Variants in ZFAT observed in about 807,000 individuals in gnomAD.
The protein encoded by ZFAT is zinc finger and AT-hook domain containing, also known as zinc finger protein ZFAT.
A neutral mutation model predicts 117.7 loss-of-function variants in ZFAT; 64 were observed. The observed-to-expected ratio is 0.54, with a 90% confidence interval of 0.44 to 0.67. The LOEUF is 0.67. Ranked by LOEUF, ZFAT falls within the 30% of genes least tolerant of loss-of-function variation. The probability of loss-of-function intolerance (pLI) is 0.00; values close to 1 mark genes in which losing one functional copy is unlikely to be tolerated. For missense variants in ZFAT, 1,433 were observed against 1,584.5 expected (o/e 0.90, Z 1.62); for synonymous variants, 679 against 615.0 (o/e 1.10, Z -1.54).
rs1190729486 is a variant in ZFAT at position 134,485,205 on chromosome 8, TG to T, written c.3493-6485del. On this transcript the variant is annotated intron_variant, in intron 15 of 15. Transcript: ENST00000377838. Reference sequence around the variant, plus strand: ...GGGGCTCTGCCCACCCACTGGGTCCTGGGGAGTTATGTAGTTGCTTTCCCCC... The same window carrying T: ...GGGGCTCTGCCCACCCACTGGGTCCTGGGAGTTATGTAGTTGCTTTCCCCC... Among the ~76,000 whole-genome samples the T allele has an allele frequency of 1.3e-4, 20 of 152,278 alleles. No individual in the cohort carries two copies. The East Asian group carries it at 3.1e-3, about 24-fold the overall frequency.
Position 134,509,692 on chromosome 8 carries a change from G to A in ZFAT, c.3419C>T (p.Ala1140Val), listed in dbSNP as rs758773427. ...NILQQIIELG[A>V]ETHDATALAS... ...AAGGGCAGTGGCGTCATGGGTCTCG[G>A]CGCCCAGCTCAATGATCTGCTGCAG... The change falls in exon 15 of 16, where the codon GCC becomes GTC. Residue 1140 changes from alanine (A) to valine (V), a missense_variant. Coordinates refer to ENST00000377838, the MANE Select transcript of ZFAT (RefSeq NM_020863.4). The A allele has an allele frequency of 4.3e-6, 7 of 1,612,456 alleles. No homozygotes were observed. Among genetic ancestry groups the A allele is most frequent in the Non-Finnish European group, 5.9e-6 (7 of 1,179,532 alleles).
At chr8:134,574,933 G>C (rs933988711) in intron 10 of ZFAT, among the ~76,000 whole-genome samples, 3 of 151,628 alleles carry the variant, frequency 2.0e-5, no homozygotes, top group African/African-American at 7.3e-5. Context: ...TTCCAACAGT[G>C]ATACTCTTTA....
intron 15 of ZFAT, among the ~76,000 whole-genome samples, chr8:134,489,915 T>A (rs1034915005): frequency 3.9e-5 from 6 of 152,096 alleles, no homozygotes; most frequent in Non-Finnish European, 1.5e-5. Context: ...GGCACCACCA[T>A]CCACCCTCTT....
chr8:134,787,526 T>C, the ZFAT span, among the ~76,000 whole-genome samples: 1 of 152,242 alleles, frequency 6.6e-6, no homozygotes, highest in Non-Finnish European at 1.5e-5. Context: ...TGCTCTAGTC[T>C]GTTACTTTGG....
At chr8:134,600,858 G>C (rs527304486) in intron 6 of ZFAT, among the ~76,000 whole-genome samples, 190 bp from the exon 7 acceptor site, 1 of 152,066 alleles carries the variant, frequency 6.6e-6, no homozygotes, top group Non-Finnish European at 1.5e-5. Flanking sequence ...AAATATTAAG[G>C]GTGCTACTAT....
chr8:134,823,294 T>TA, the ZFAT span, among the ~76,000 whole-genome samples: 1 of 152,094 alleles, frequency 6.6e-6, no homozygotes, highest in Admixed American at 6.6e-5. Flanking sequence ...ATCTTAAGTT[T>TA]AAAAAAAATT....
chr8:134,730,353 C>T, the ZFAT span, among the ~76,000 whole-genome samples: 4 of 152,220 alleles, frequency 2.6e-5, no homozygotes, highest in East Asian at 1.9e-4. Flanking sequence ...TAAAGGTGCA[C>T]GTGGCACAGT....
intron 11 of ZFAT, chr8:134,564,998 C>G: frequency 1.6e-6 from 2 of 1,275,162 alleles, no homozygotes; most frequent in African/African-American, 1.5e-5. Flanking sequence ...TGCAGCAATC[C>G]AGGATCTGAA....
intron 15 of ZFAT, among the ~76,000 whole-genome samples, chr8:134,496,112 G>A (rs1291662923): frequency 6.6e-6 from 1 of 152,116 alleles, no homozygotes; most frequent in Non-Finnish European, 1.5e-5. Flanking sequence ...ATGATCACAG[G>A]AGCTAAGATT....
intron 3 of ZFAT, among the ~76,000 whole-genome samples, chr8:134,635,219 C>G (rs563011849): frequency 6.6e-6 from 1 of 152,266 alleles, no homozygotes; most frequent in South Asian, 2.1e-4. Context: ...CGGCCACAGA[C>G]CCAGCTGAAC....
At chr8:134,702,054 T>G (rs1379858036) in intron 1 of ZFAT, among the ~76,000 whole-genome samples, 2 of 152,196 alleles carry the variant, frequency 1.3e-5, no homozygotes, top group Admixed American at 1.3e-4. Flanking sequence ...CATAGTACAT[T>G]AGCAAACTCG....
intron 3 of ZFAT, among the ~76,000 whole-genome samples, chr8:134,611,793 C>T (rs1246641959): frequency 1.3e-5 from 2 of 152,216 alleles, no homozygotes; most frequent in African/African-American, 4.8e-5. Context: ...CCATGGAGAG[C>T]CACAGGTGTC....
At chr8:134,577,728 C>T (rs759520115) in intron 10 of ZFAT, among the ~76,000 whole-genome samples, 3 of 151,942 alleles carry the variant, frequency 2.0e-5, no homozygotes, top group African/African-American at 4.8e-5. Context: ...AGACACAAAA[C>T]ATCATAAATA....
At chr8:134,600,407 C>CG in intron 7 of ZFAT, 29 bp downstream of exon 7, 1 of 1,594,716 alleles carries the variant, frequency 6.3e-7, no homozygotes, top group South Asian at 1.1e-5. Flanking sequence ...CCAGGGGAGA[C>CG]GGGGCTGCCG....
chr8:134,637,774 C>T, intron 2 of ZFAT, 62 bp from the exon 3 acceptor site: 2 of 1,570,646 alleles, frequency 1.3e-6, no homozygotes, highest in Non-Finnish European at 1.7e-6. Flanking sequence ...GGTTCACAAT[C>T]ACCCTCCAAG....
chr8:134,486,732 T>C (rs948409847), intron 15 of ZFAT, among the ~76,000 whole-genome samples: 4 of 152,130 alleles, frequency 2.6e-5, no homozygotes, highest in African/African-American at 9.7e-5. Flanking sequence ...AGAGCCACTG[T>C]CAAGATCATC....
the ZFAT span, among the ~76,000 whole-genome samples, chr8:134,774,083 C>T: frequency 7.0e-6 from 1 of 143,604 alleles, no homozygotes; most frequent in East Asian, 2.1e-4. Context: ...GCAACCTCTG[C>T]TTCCCGGGTT....
intron 1 of ZFAT, among the ~76,000 whole-genome samples, chr8:134,686,097 C>A (rs1357683823): frequency 2.0e-5 from 3 of 152,250 alleles, no homozygotes; most frequent in Non-Finnish European, 4.4e-5. Flanking sequence ...CCTGACAGCT[C>A]AGGTGCCCTG....
At chr8:134,820,366 T>C in the ZFAT span, among the ~76,000 whole-genome samples, 1 of 152,222 alleles carries the variant, frequency 6.6e-6, no homozygotes, top group Admixed American at 6.5e-5. Flanking sequence ...CCTGTGGAAA[T>C]GTAATACATC....
Sources: allele counts gnomAD v4.1 joint callset (sites outside exome capture counted in the v4.1 genomes callset), GRCh38; gene constraint gnomAD v4.1.1; transcripts MANE v1.5; gene names NCBI Gene and HGNC (gene_info 2026-07-23, HGNC 2026-07-21).